The following DMD variants were observed in gnomAD, a reference collection of about 807,000 sequenced individuals.
DMD encodes the protein dystrophin.
Under a neutral mutation model 330.1 loss-of-function variants are expected in DMD, and 63 were observed. The ratio of observed to expected loss-of-function variants is 0.19; its 90% confidence interval spans 0.16 to 0.24. The LOEUF (loss-of-function observed/expected upper bound fraction) is 0.24. DMD is among the 10% of genes least tolerant of loss of function. The pLI, the probability that DMD is intolerant of heterozygous loss-of-function variation, is 1.00. For missense variants in DMD, 3,344 were observed against 2,684.1 expected (o/e 1.25, Z -5.43); for synonymous variants, 1,223 against 959.8 (o/e 1.27, Z -5.07).
intron 5 of DMD, 70 bp downstream of exon 5, chrX:32,823,225 A>G: frequency 4.5e-6 from 4 of 886,717 alleles, no homozygotes; most frequent in Non-Finnish European, 6.6e-6. Context: ...TTTGTTTCAC[A>G]CGTCAAGGGT....
intron 55 of DMD, among the ~76,000 whole-genome samples, chrX:31,511,312 TTTTA>T (rs763976919): frequency 0.067 from 6,675 of 100,048 alleles, 193 homozygotes; most frequent in East Asian, 0.095. Context: ...ACTCATCATT[TTTTA>T]TTTATTTATT....
At chrX:32,029,773 G>T (rs1569534121) in intron 44 of DMD, among the ~76,000 whole-genome samples, 2 of 111,718 alleles carry the variant, frequency 1.8e-5, no homozygotes, top group Admixed American at 9.5e-5. Flanking sequence ...TTTTTAATTT[G>T]TTTTGCTAAG....
At chrX:32,050,872 A>T in intron 44 of DMD, among the ~76,000 whole-genome samples, 1 of 110,742 alleles carries the variant, frequency 9.0e-6, no homozygotes, top group South Asian at 3.8e-4. Context: ...AAAATAACGT[A>T]CCTATAGTCT....
chrX:32,434,472 A>C (rs1208037666), intron 29 of DMD, among the ~76,000 whole-genome samples: 1 of 112,066 alleles, frequency 8.9e-6, no homozygotes, highest in African/African-American at 3.2e-5. Flanking sequence ...TTGTTTAACC[A>C]ACCAAAAATC....
At chrX:33,217,172 T>C in intron 1 of DMD, among the ~76,000 whole-genome samples, 1 of 111,565 alleles carries the variant, frequency 9.0e-6, no homozygotes. Flanking sequence ...ATAAGGCATA[T>C]ATTTCTTAGG....
intron 4 of DMD, among the ~76,000 whole-genome samples, chrX:32,826,594 G>A (rs1265209523): frequency 9.0e-6 from 1 of 111,319 alleles, no homozygotes; most frequent in Non-Finnish European, 1.9e-5. Flanking sequence ...CATAAGCCAG[G>A]CACAGAAAGA....
chrX:31,322,288 T>C (rs1237610905), intron 62 of DMD, among the ~76,000 whole-genome samples: 1 of 111,802 alleles, frequency 8.9e-6, no homozygotes, highest in Non-Finnish European at 1.9e-5. Flanking sequence ...AATTGTTCCA[T>C]AAAATATACA....
chrX:31,497,488 G>A (rs1217465888), intron 56 of DMD, among the ~76,000 whole-genome samples: 3 of 111,513 alleles, frequency 2.7e-5, no homozygotes, highest in Non-Finnish European at 3.8e-5. Flanking sequence ...GTGTGCACCT[G>A]GGATTTGTCT....
At chrX:31,124,286 A>C (rs1163387176) in intron 78 of DMD, among the ~76,000 whole-genome samples, 1 of 112,156 alleles carries the variant, frequency 8.9e-6, no homozygotes, top group Non-Finnish European at 1.9e-5. Context: ...CAGAATAAAT[A>C]ATTCTAATTT....
intron 25 of DMD, among the ~76,000 whole-genome samples, chrX:32,463,095 C>T (rs1172204625): frequency 8.9e-6 from 1 of 111,748 alleles, no homozygotes; most frequent in Non-Finnish European, 1.9e-5. Flanking sequence ...CAAATATCTC[C>T]GTGTAACAAA....
At chrX:31,337,872 C>T (rs1329705090) in intron 61 of DMD, among the ~76,000 whole-genome samples, 3 of 111,598 alleles carry the variant, frequency 2.7e-5, no homozygotes, top group African/African-American at 9.8e-5. Context: ...CATGTAAGTC[C>T]GTGACGAAGG....
At chrX:32,169,368 A>T (rs2147333170) in intron 44 of DMD, among the ~76,000 whole-genome samples, 1 of 111,961 alleles carries the variant, frequency 8.9e-6, no homozygotes, top group South Asian at 3.7e-4. Flanking sequence ...ACTATGCATA[A>T]TTTTTATTAT....
intron 1 of DMD, among the ~76,000 whole-genome samples, chrX:33,220,366 G>A (rs888165403): frequency 1.8e-5 from 2 of 111,660 alleles, no homozygotes; most frequent in African/African-American, 6.5e-5. Context: ...GTGATACCTT[G>A]TAGAAAATAT....
intron 44 of DMD, among the ~76,000 whole-genome samples, chrX:32,097,264 C>T (rs763351439): frequency 7.2e-5 from 8 of 110,347 alleles, no homozygotes; most frequent in African/African-American, 2.0e-4. Flanking sequence ...CCCCACCTCG[C>T]GACAGGCCTC....
At chrX:32,104,659 T>A (rs146274364) in intron 44 of DMD, among the ~76,000 whole-genome samples, 1,564 of 112,267 alleles carry the variant, frequency 0.014, 14 homozygotes, top group Non-Finnish European at 0.024. Context: ...TGTTTTATTT[T>A]ATTTTAAAAT....
intron 60 of DMD, among the ~76,000 whole-genome samples, chrX:31,425,070 A>G (rs2063623762): frequency 8.9e-6 from 1 of 112,707 alleles, no homozygotes; most frequent in Non-Finnish European, 1.9e-5. Context: ...AATTTTGATC[A>G]CAAAGTCTTT....
intron 43 of DMD, among the ~76,000 whole-genome samples, chrX:32,233,008 T>C (rs1016790175): frequency 8.9e-6 from 1 of 112,666 alleles, no homozygotes; most frequent in Non-Finnish European, 1.9e-5. Flanking sequence ...TATGTGTTTG[T>C]ACATTTTATT....
chrX:32,717,745 A>T (rs968945287), intron 7 of DMD, among the ~76,000 whole-genome samples: 1 of 111,333 alleles, frequency 9.0e-6, no homozygotes, highest in Non-Finnish European at 1.9e-5. Flanking sequence ...CCATGAAAAC[A>T]ACTAAGGGTG....
intron 25 of DMD, among the ~76,000 whole-genome samples, chrX:32,458,524 T>A (rs1301763937): frequency 1.8e-5 from 2 of 111,319 alleles, no homozygotes; most frequent in Non-Finnish European, 3.8e-5. Context: ...GCGGGATTGG[T>A]GAATCAAATG....
Sources: allele counts gnomAD v4.1 joint callset (sites outside exome capture counted in the v4.1 genomes callset), GRCh38; gene constraint gnomAD v4.1.1; transcripts MANE v1.5; gene names NCBI Gene and HGNC (gene_info 2026-07-23, HGNC 2026-07-21).